SPIRE2: variants seen among roughly 807,000 people sequenced by gnomAD.
SPIRE2 encodes spire type actin nucleation factor 2.
In SPIRE2, 76 loss-of-function variants were observed where a neutral mutation model predicts 80.7. The ratio of observed to expected loss-of-function variants is 0.94; its 90% CI spans 0.78 to 1.14. The LOEUF (loss-of-function observed/expected upper bound fraction) is 1.14, where lower values mean the gene tolerates loss of function less well. Among genes scored for constraint, SPIRE2 ranks in the 50% most tolerant of loss-of-function variants. The pLI is 0.00. For synonymous variants in SPIRE2, 535 were observed against 432.6 expected (o/e 1.24, Z -2.94); for missense variants, 1,196 against 1,015.3 (o/e 1.18, Z -2.42).
intron 9 of SPIRE2, among the ~76,000 whole-genome samples, chr16:89,860,313 C>A (rs1171018679): frequency 6.6e-6 from 1 of 152,192 alleles, no homozygotes; most frequent in Non-Finnish European, 1.5e-5. Context: ...GGCTGGAGTG[C>A]AGAGGTACCA....
chr16:89,855,317 A>C (rs1033097714), intron 5 of SPIRE2, among the ~76,000 whole-genome samples: 4 of 152,066 alleles, frequency 2.6e-5, no homozygotes, highest in African/African-American at 9.7e-5. Flanking sequence ...TGCCCCTGTG[A>C]GGTGTGTGCC....
intron 3 of SPIRE2, 71 bp downstream of exon 3, chr16:89,850,731 C>T (rs2143806099): frequency 8.1e-6 from 9 of 1,115,398 alleles, no homozygotes; most frequent in Non-Finnish European, 1.1e-5. Context: ...TGGGAGGGGA[C>T]TGGCAAGGAC....
chr16:89,840,916 C>T (rs1182733554), intron 1 of SPIRE2, among the ~76,000 whole-genome samples: 2 of 151,950 alleles, frequency 1.3e-5, no homozygotes, highest in East Asian at 1.9e-4. Context: ...GGATTACAGG[C>T]GTGAGCCACC....
intron 3 of SPIRE2, among the ~76,000 whole-genome samples, chr16:89,853,025 C>T (rs922322300): frequency 6.6e-6 from 1 of 151,882 alleles, no homozygotes; most frequent in Non-Finnish European, 1.5e-5. Context: ...GATCCCATGG[C>T]CCATCTTCCG....
intron 1 of SPIRE2, among the ~76,000 whole-genome samples, chr16:89,832,988 ATTTCT>A (rs1422364775): frequency 1.4e-5 from 1 of 73,188 alleles, no homozygotes; most frequent in Non-Finnish European, 2.3e-5. Context: ...AACCCAGCTG[ATTTCT>A]TTTTTTTTTT....
rs994059687 is a variant in SPIRE2 at position 89,870,328 on chromosome 16, G to C, written c.*56G>C. On this transcript the variant is annotated 3_prime_UTR_variant, in exon 15 of 15. Coordinates refer to ENST00000378247, the MANE Select transcript of SPIRE2 (RefSeq NM_032451.2). ...ACCAGGCAGGCCCTGTATCAGGCTAGGACGCTCTGAGCTGTGCATGTACAT... is the reference window on the plus strand; with the variant it reads ...ACCAGGCAGGCCCTGTATCAGGCTACGACGCTCTGAGCTGTGCATGTACAT... 8.7e-6 allele frequency: 10 copies of C among 1,154,944 alleles called. No individual in the cohort carries two copies. The highest frequency in any genetic ancestry group is 2.0e-5 in the Admixed American group (1 of 50,332). The allele number at this position is 1,154,944 out of a possible 1,614,324, so 71.5% of individuals were successfully genotyped here.
intron 10 of SPIRE2, among the ~76,000 whole-genome samples, chr16:89,861,124 C>A (rs2041740835): frequency 6.6e-6 from 1 of 152,136 alleles, no homozygotes; most frequent in African/African-American, 2.4e-5. Context: ...GAGGGGGGTT[C>A]ACTGGGTCGA....
Position 89,856,187 on chromosome 16 carries a change from G to C in SPIRE2, c.1053G>C (p.Lys351Asn). 1 of 1,606,252 alleles carries C rather than the reference G, an allele frequency of 6.2e-7. No individual in the cohort carries two copies. The highest frequency in any genetic ancestry group is 8.5e-7 in the Non-Finnish European group (1 of 1,177,174). ...ATGAGAAGATCCTGGAGGAGATCAA[G>C]CAGGAGCGGAGGCTGCGCCCGGTGC... Reference protein sequence around the residue: ...SLHEKILEEIKQERRLRPVRG... With the variant: ...SLHEKILEEINQERRLRPVRG... Residue 351 changes from lysine to asparagine, a missense_variant, in exon 7 of 15, where the codon AAG becomes AAC. Transcript: ENST00000378247.
At chr16:89,860,337 C>T (rs1385774616) in intron 9 of SPIRE2, among the ~76,000 whole-genome samples, 1 of 152,182 alleles carries the variant, frequency 6.6e-6, no homozygotes, top group Non-Finnish European at 1.5e-5. Context: ...TAGCTCACTG[C>T]AGCCTTGGCC....
chr16:89,853,294 T>C (rs1253407028), intron 3 of SPIRE2, among the ~76,000 whole-genome samples: 1 of 124,442 alleles, frequency 8.0e-6, no homozygotes, highest in Non-Finnish European at 1.7e-5. Flanking sequence ...TGAGCCACTG[T>C]TCCCGGCCAG....
At chr16:89,848,767 G>A (rs575630966) in intron 2 of SPIRE2, among the ~76,000 whole-genome samples, 4 of 149,576 alleles carry the variant, frequency 2.7e-5, no homozygotes, top group East Asian at 4.0e-4. Context: ...CAGGACAGAC[G>A]AGGCAGGTTC....
chr16:89,855,000 G>A (rs1384749473), intron 5 of SPIRE2, among the ~76,000 whole-genome samples: 1 of 152,008 alleles, frequency 6.6e-6, no homozygotes, highest in Non-Finnish European at 1.5e-5. Context: ...GGGCAATGGT[G>A]CGACCTTGGC....
intron 1 of SPIRE2, among the ~76,000 whole-genome samples, chr16:89,830,395 G>A (rs1358618980): frequency 1.3e-5 from 2 of 151,212 alleles, no homozygotes; most frequent in Non-Finnish European, 3.0e-5. Context: ...TCATGAAGGC[G>A]AATGAGTTTT....
chr16:89,868,244 C>G (rs760277033), intron 13 of SPIRE2, 28 bp downstream of exon 13: 5 of 1,613,202 alleles, frequency 3.1e-6, no homozygotes, highest in Non-Finnish European at 4.2e-6. Flanking sequence ...TCTCTGGGGT[C>G]TGAGCAAGGC....
At chr16:89,838,977 G>GTAAT (rs2041477359) in intron 1 of SPIRE2, among the ~76,000 whole-genome samples, 2 of 149,314 alleles carry the variant, frequency 1.3e-5, no homozygotes, top group African/African-American at 4.9e-5. Flanking sequence ...TGATCTATCT[G>GTAAT]CCTCGGCCTC....
Position 89,854,597 on chromosome 16 carries a change from C to A in SPIRE2, c.837C>A (p.Phe279Leu). 6.2e-7 allele frequency: 1 copy of A among 1,604,524 alleles called. No homozygotes were observed. The highest frequency in any genetic ancestry group is 1.1e-5 in the South Asian group (1 of 90,972). The stretch of plus-strand genomic sequence containing the variant: ...CCACCGAGTTCCAGCTCACGCCCTT[C>A]GAGATGCTGATGCAGGACATCCGGG... ...PLPTEFQLTP[F>L]EMLMQDIRAR... is the part of the protein sequence containing the mutation. Residue 279 changes from phenylalanine (F) to leucine (L), a missense_variant, in exon 5 of 15, where the codon TTC (phenylalanine) becomes TTA (leucine). Coordinates refer to ENST00000378247, the MANE Select transcript of SPIRE2 (RefSeq NM_032451.2).
intron 9 of SPIRE2, among the ~76,000 whole-genome samples, 176 bp from the exon 10 acceptor site, chr16:89,860,507 G>A (rs1045638612): frequency 5.3e-5 from 8 of 151,992 alleles, no homozygotes; most frequent in South Asian, 2.1e-4. Context: ...GGTTCCACCC[G>A]CCTCGGCCTC....
intron 1 of SPIRE2, among the ~76,000 whole-genome samples, chr16:89,837,117 T>C (rs1426916292): frequency 6.6e-6 from 1 of 152,108 alleles, no homozygotes; most frequent in Non-Finnish European, 1.5e-5. Context: ...TTGCAGGTCT[T>C]CTCCCTCGAG....
chr16:89,850,356 A>G lies in SPIRE2; in HGVS notation c.341A>G (p.Asp114Gly), dbSNP rs368035171. 1 of 1,600,050 alleles carries G rather than the reference A, an allele frequency of 6.2e-7. No individual in the cohort carries two copies. The stretch of plus-strand genomic sequence containing the variant: ...TACCGCGCGCTGGACTGGGGGCTGG[A>G]CGAGAGCGAGGAGCGCGAACTCAGC... ...AIYRALDWGL[D>G]ESEERELSPQ... The change falls in exon 3 of 15, where the codon GAC becomes GGC. Residue 114 changes from aspartate to glycine, a missense_variant. Physicochemically the swap from Asp to Gly is moderately conservative, Grantham distance 94. Transcript: ENST00000378247.
Sources: gnomAD v4.1 joint callset for allele counts (sites outside exome capture counted in the v4.1 genomes callset) on GRCh38, gnomAD v4.1.1 for gene constraint, MANE v1.5 for transcripts, NCBI Gene and HGNC (gene_info 2026-07-23, HGNC 2026-07-21) for gene names.